Variants in MAPDA observed in about 807,000 individuals in gnomAD.
The protein encoded by MAPDA is N6,N6-dimethyl-AMP deaminase.
the MAPDA span, among the ~76,000 whole-genome samples, chr15:43,336,151 C>G: frequency 3.3e-5 from 5 of 152,296 alleles, no homozygotes; most frequent in South Asian, 1.0e-3. Context: ...AAGCAGTCCT[C>G]CTATCTTAGC....
At chr15:43,334,633 T>TTTTATATA in the MAPDA span, among the ~76,000 whole-genome samples, 1 of 65,142 alleles carries the variant, frequency 1.5e-5, no homozygotes, top group African/African-American at 3.3e-5. Flanking sequence ...CTCAAAAAAA[T>TTTTATATA]TATATATATA....
chr15:43,346,864 G>C, the MAPDA span: 37 of 614,514 alleles, frequency 6.0e-5, no homozygotes, highest in East Asian at 2.9e-5. Flanking sequence ...GAAGTGGCTC[G>C]CACATTGTAG....
the MAPDA span, chr15:43,342,966 A>G: frequency 2.0e-6 from 3 of 1,469,938 alleles, no homozygotes; most frequent in South Asian, 2.5e-5. Flanking sequence ...TGATCTCTTT[A>G]CATGTATTTT....
At chr15:43,341,932 A>G in the MAPDA span, among the ~76,000 whole-genome samples, 4 of 151,810 alleles carry the variant, frequency 2.6e-5, no homozygotes, top group Non-Finnish European at 4.4e-5. Context: ...TCCGCCTCCA[A>G]GGTTCAAGTG....
At chr15:43,339,217 G>A in the MAPDA span, among the ~76,000 whole-genome samples, 1 of 152,240 alleles carries the variant, frequency 6.6e-6, no homozygotes, top group African/African-American at 2.4e-5. Context: ...CTTGGAGGAG[G>A]CAGCAGTGGT....
the MAPDA span, chr15:43,346,911 A>G: frequency 4.7e-6 from 4 of 844,510 alleles, no homozygotes; most frequent in South Asian, 4.5e-5. Flanking sequence ...GAATTAATCT[A>G]CCATTATTTT....
the MAPDA span, among the ~76,000 whole-genome samples, chr15:43,348,705 A>G: frequency 3.0e-4 from 45 of 152,322 alleles, 1 homozygote; most frequent in East Asian, 8.5e-3. Context: ...GTTTATTATT[A>G]TCATTGAAAT....
At chr15:43,340,373 C>A in the MAPDA span, 3 of 1,588,074 alleles carry the variant, frequency 1.9e-6, no homozygotes, top group Admixed American at 1.7e-5. Context: ...TACTTCTCAG[C>A]AAATGTACTG....
chr15:43,348,785 C>T, the MAPDA span: 1 of 926,620 alleles, frequency 1.1e-6, no homozygotes. Flanking sequence ...AGAAGTAGTT[C>T]AGTTTTCCAA....
At chr15:43,349,163 A>C in the MAPDA span, 2 of 1,512,224 alleles carry the variant, frequency 1.3e-6, no homozygotes, top group Non-Finnish European at 1.8e-6. Context: ...CTAGCTATTA[A>C]AAGATGGAGT....
At chr15:43,340,316 G>C in the MAPDA span, 5 of 1,614,084 alleles carry the variant, frequency 3.1e-6, no homozygotes. Context: ...CAAGTACCTG[G>C]AACTAAGGAG....
the MAPDA span, among the ~76,000 whole-genome samples, chr15:43,333,628 C>G: frequency 6.6e-6 from 1 of 152,112 alleles, no homozygotes; most frequent in Non-Finnish European, 1.5e-5. Flanking sequence ...TAGTCCTATA[C>G]AAACTACTTT....
the MAPDA span, among the ~76,000 whole-genome samples, chr15:43,346,143 A>G: frequency 6.6e-6 from 1 of 152,212 alleles, no homozygotes; most frequent in African/African-American, 2.4e-5. Flanking sequence ...TGCCTAGAGC[A>G]GCTCTCATCC....
At chr15:43,337,230 C>T in the MAPDA span, among the ~76,000 whole-genome samples, 3 of 146,468 alleles carry the variant, frequency 2.0e-5, no homozygotes, top group Admixed American at 6.9e-5. Context: ...GAGCCGAGAT[C>T]GCGCCACCGC....
the MAPDA span, chr15:43,332,297 A>G: frequency 6.6e-6 from 1 of 152,014 alleles, no homozygotes; most frequent in African/African-American, 2.4e-5. Context: ...GGGCTCACCT[A>G]TGCCTGCTGG....
chr15:43,331,266 C>CT, the MAPDA span, among the ~76,000 whole-genome samples: 1 of 152,166 alleles, frequency 6.6e-6, no homozygotes, highest in Non-Finnish European at 1.5e-5. Flanking sequence ...TTGAATATGT[C>CT]CCCAGAAAGG....
chr15:43,334,031 G>A, the MAPDA span, among the ~76,000 whole-genome samples: 1 of 152,228 alleles, frequency 6.6e-6, no homozygotes, highest in Non-Finnish European at 1.5e-5. Context: ...TTACAGTCTG[G>A]TGAGAGAGAA....
the MAPDA span, chr15:43,340,180 T>C: frequency 2.0e-5 from 24 of 1,187,210 alleles, no homozygotes; most frequent in Non-Finnish European, 2.9e-5. Flanking sequence ...ATTTAATGAA[T>C]AAAATAAAGC....
chr15:43,343,524 T>G, the MAPDA span, among the ~76,000 whole-genome samples: 1 of 152,208 alleles, frequency 6.6e-6, no homozygotes, highest in African/African-American at 2.4e-5. Flanking sequence ...GCTGGCTGGC[T>G]TCTTCTCATT....
Sources: gnomAD v4.1 joint callset for allele counts (sites outside exome capture counted in the v4.1 genomes callset) on GRCh38, gnomAD v4.1.1 for gene constraint, MANE v1.5 for transcripts, NCBI Gene and HGNC (gene_info 2026-07-23, HGNC 2026-07-21) for gene names.